Variants in BMPR1B observed in about 807,000 individuals in gnomAD.
BMPR1B encodes bone morphogenetic protein receptor type 1B, also known as bone morphogenetic protein receptor type-1B.
BMPR1B carries 12 observed loss-of-function variants against 59.1 expected under a neutral mutation model. That is an observed-to-expected ratio of 0.20 (90% CI 0.13 to 0.33). The LOEUF (loss-of-function observed/expected upper bound fraction) is 0.33. Ranked by LOEUF, BMPR1B falls within the 10% of genes least tolerant of loss-of-function variation. BMPR1B has a pLI of 1.00. For synonymous variants in BMPR1B, 237 were observed against 207.3 expected (o/e 1.14, Z -1.23); for missense variants, 550 against 610.9 (o/e 0.90, Z 1.05).
intron 11 of BMPR1B, 51 bp downstream of exon 11, chr4:95,148,974 C>G (rs988544748): frequency 1.3e-6 from 2 of 1,599,378 alleles, no homozygotes; most frequent in African/African-American, 2.7e-5. Context: ...TACTATAAAT[C>G]CTTTCTTTCT....
At chr4:95,129,495 G>C (rs1733150367) in intron 8 of BMPR1B, among the ~76,000 whole-genome samples, 1 of 151,964 alleles carries the variant, frequency 6.6e-6, no homozygotes, top group Non-Finnish European at 1.5e-5. Context: ...ACATGATTAG[G>C]TGTATGGTGA....
chr4:94,815,081 T>C (rs1723960797), intron 1 of BMPR1B, among the ~76,000 whole-genome samples: 1 of 152,062 alleles, frequency 6.6e-6, no homozygotes, highest in Admixed American at 6.6e-5. Context: ...TTTTTTGTAT[T>C]TTTAGTAGAG....
chr4:94,903,336 CTTA>C (rs1727904098), intron 2 of BMPR1B, among the ~76,000 whole-genome samples: 1 of 151,882 alleles, frequency 6.6e-6, no homozygotes, highest in Non-Finnish European at 1.5e-5. Context: ...AAAGAATGAA[CTTA>C]TTATACTCCT....
At chr4:94,766,608 AT>A (rs1721979077) in intron 1 of BMPR1B, among the ~76,000 whole-genome samples, 1 of 151,944 alleles carries the variant, frequency 6.6e-6, no homozygotes, top group African/African-American at 2.4e-5. Context: ...AAGAATGTTC[AT>A]TGAAGTGAAC....
intron 1 of BMPR1B, among the ~76,000 whole-genome samples, chr4:94,811,325 C>G (rs1271747302): frequency 6.6e-6 from 1 of 152,068 alleles, no homozygotes; most frequent in African/African-American, 2.4e-5. Flanking sequence ...CTACTGAAGG[C>G]AAAGAAAGAG....
At chr4:94,962,297 T>C (rs1364013126) in intron 2 of BMPR1B, among the ~76,000 whole-genome samples, 1 of 151,882 alleles carries the variant, frequency 6.6e-6, no homozygotes, top group Non-Finnish European at 1.5e-5. Flanking sequence ...GCCACCATGC[T>C]CAGCTAATTT....
At chr4:95,111,913 G>A (rs1319288480) in intron 4 of BMPR1B, among the ~76,000 whole-genome samples, 1 of 151,948 alleles carries the variant, frequency 6.6e-6, no homozygotes, top group East Asian at 1.9e-4. Flanking sequence ...AGAAAAACAA[G>A]ACTTGCATTA....
chr4:94,835,317 G>T (rs1286313690), intron 1 of BMPR1B, among the ~76,000 whole-genome samples: 1 of 152,098 alleles, frequency 6.6e-6, no homozygotes, highest in African/African-American at 2.4e-5. Flanking sequence ...TTACAAACGT[G>T]TACCACCATG....
At chr4:94,871,650 A>G (rs894010896) in intron 1 of BMPR1B, among the ~76,000 whole-genome samples, 6 of 152,224 alleles carry the variant, frequency 3.9e-5, no homozygotes, top group African/African-American at 1.2e-4. Context: ...ACAGTTTCAT[A>G]CTAGAGAATA....
chr4:94,767,570 T>C (rs931402190), intron 1 of BMPR1B, among the ~76,000 whole-genome samples: 6 of 152,164 alleles, frequency 3.9e-5, no homozygotes, highest in Non-Finnish European at 7.4e-5. Context: ...TAAATACTTA[T>C]CGTTAACATC....
At chr4:94,803,803 AAGT>A (rs1325461253) in intron 1 of BMPR1B, among the ~76,000 whole-genome samples, 2 of 152,152 alleles carry the variant, frequency 1.3e-5, no homozygotes, top group African/African-American at 4.8e-5. Context: ...AATCTCCCCA[AAGT>A]AGAAGCTTGG....
At chr4:94,806,461 T>C (rs1284739922) in intron 1 of BMPR1B, among the ~76,000 whole-genome samples, 1 of 152,232 alleles carries the variant, frequency 6.6e-6, no homozygotes, top group African/African-American at 2.4e-5. Flanking sequence ...TGAAGACTAT[T>C]TCCTCAATGA....
intron 3 of BMPR1B, among the ~76,000 whole-genome samples, chr4:95,095,873 T>A (rs1383514756): frequency 6.6e-6 from 1 of 151,850 alleles, no homozygotes; most frequent in African/African-American, 2.4e-5. Context: ...AAATTAAAAA[T>A]TTTTTATTTA....
At chr4:95,097,480 T>C (rs1730511903) in intron 3 of BMPR1B, among the ~76,000 whole-genome samples, 1 of 152,166 alleles carries the variant, frequency 6.6e-6, no homozygotes, top group East Asian at 1.9e-4. Context: ...AAATAATCAA[T>C]TTTGTTGACA....
chr4:94,875,176 C>T (rs1217710400), intron 1 of BMPR1B, among the ~76,000 whole-genome samples: 1 of 152,100 alleles, frequency 6.6e-6, no homozygotes, highest in Non-Finnish European at 1.5e-5. Flanking sequence ...TTCTCTTATT[C>T]ACAAGCTAGG....
At chr4:94,968,901 C>T (rs180941846) in intron 2 of BMPR1B, among the ~76,000 whole-genome samples, 1 of 152,258 alleles carries the variant, frequency 6.6e-6, no homozygotes, top group East Asian at 1.9e-4. Context: ...CCCTGGGATC[C>T]AACTCTACCC....
At chr4:94,846,443 C>T (rs1725333388) in intron 1 of BMPR1B, among the ~76,000 whole-genome samples, 1 of 152,228 alleles carries the variant, frequency 6.6e-6, no homozygotes, top group Middle Eastern at 3.4e-3. Context: ...CACCCTTAAT[C>T]TGGGTGGGCA....
In BMPR1B at chr4:94,980,380, C is replaced by G. The variant is rs374374618; in HGVS notation, c.-112-15660C>G. On this transcript the variant is annotated intron_variant, in intron 2 of 12. Transcript: ENST00000515059. Reference sequence around the variant, plus strand: ...ACCACTCACCCTCTGGTAAATTCCTCTGTGATATACAACAGGTCCTCAAGT... The same window carrying G: ...ACCACTCACCCTCTGGTAAATTCCTGTGTGATATACAACAGGTCCTCAAGT... Among the ~76,000 whole-genome samples, 6 of 152,294 alleles carry G rather than the reference C, an allele frequency of 3.9e-5. No homozygotes were observed. In the South Asian group the frequency reaches 6.2e-4, roughly 16 times the overall value.
chr4:94,965,622 G>T (rs761387984), intron 2 of BMPR1B, among the ~76,000 whole-genome samples: 2 of 152,144 alleles, frequency 1.3e-5, no homozygotes, highest in African/African-American at 2.4e-5. Context: ...AGAGATTGGA[G>T]AAAACATAGA....
Sources: gnomAD v4.1 joint callset for allele counts (sites outside exome capture counted in the v4.1 genomes callset) on GRCh38, gnomAD v4.1.1 for gene constraint, MANE v1.5 for transcripts, NCBI Gene and HGNC (gene_info 2026-07-23, HGNC 2026-07-21) for gene names.